Variants in PCNX2 observed in about 807,000 individuals in gnomAD.
PCNX2 encodes the protein pecanex-like protein 2.
A neutral mutation model predicts 223.8 loss-of-function variants in PCNX2; 168 were observed. The observed-to-expected ratio is 0.75, with a 90% CI of 0.66 to 0.85. PCNX2 has a LOEUF of 0.85. PCNX2 is among the 40% of genes least tolerant of loss of function. The probability of loss-of-function intolerance (pLI) is 0.00; values close to 1 mark genes in which losing one functional copy is unlikely to be tolerated. For missense variants in PCNX2, 2,507 were observed against 2,675.5 expected, an observed-to-expected ratio of 0.94 and a Z score of 1.39; for synonymous variants, 1,006 against 1,052.6, an observed-to-expected ratio of 0.96 and a Z score of 0.86.
At chr1:233,044,787 A>G (rs1572042283) in intron 25 of PCNX2, among the ~76,000 whole-genome samples, 1 of 150,408 alleles carries the variant, frequency 6.6e-6, no homozygotes, top group African/African-American at 2.5e-5. Flanking sequence ...TCCTGCCTCA[A>G]CCTCCCGAGT....
intron 21 of PCNX2, chr1:233,134,727 G>A (rs1676710354): frequency 2.1e-6 from 1 of 473,494 alleles, no homozygotes; most frequent in African/African-American, 2.0e-5. Context: ...AAGATCTAGG[G>A]AAATCTTACA....
chr1:233,283,704 C>A (rs1391162773), intron 1 of PCNX2, among the ~76,000 whole-genome samples: 1 of 152,056 alleles, frequency 6.6e-6, no homozygotes, highest in Admixed American at 6.6e-5. Context: ...GAAAAAAAAA[C>A]TCTTCTTTAC....
At chr1:233,064,155 G>A (rs1331948559) in intron 23 of PCNX2, among the ~76,000 whole-genome samples, 4 of 151,962 alleles carry the variant, frequency 2.6e-5, no homozygotes, top group Non-Finnish European at 5.9e-5. Context: ...GTATTGCGTA[G>A]TACTGGATTG....
At chr1:233,230,233 C>G (rs1324371305) in intron 9 of PCNX2, among the ~76,000 whole-genome samples, 1 of 151,948 alleles carries the variant, frequency 6.6e-6, no homozygotes, top group Non-Finnish European at 1.5e-5. Context: ...AAGTGAGTCA[C>G]GAGAGAGTGT....
At chr1:233,009,616 G>C (rs531797128) in intron 28 of PCNX2, among the ~76,000 whole-genome samples, 1 of 152,162 alleles carries the variant, frequency 6.6e-6, no homozygotes, top group South Asian at 2.1e-4. Flanking sequence ...TCATAAGCCC[G>C]GCCTGATGAC....
intron 25 of PCNX2, among the ~76,000 whole-genome samples, chr1:233,046,854 A>C (rs1671841517): frequency 6.6e-6 from 1 of 152,226 alleles, no homozygotes; most frequent in African/African-American, 2.4e-5. Flanking sequence ...CCACTGTGCA[A>C]ATGAGGCAGA....
chr1:233,259,846 G>A (rs894401617), intron 4 of PCNX2: 137 of 898,436 alleles, frequency 1.5e-4, no homozygotes, highest in Non-Finnish European at 1.2e-4. Flanking sequence ...CACTCCCACT[G>A]TGAAATTATT....
At chr1:233,093,912 T>C (rs1368869975) in intron 22 of PCNX2, among the ~76,000 whole-genome samples, 2 of 152,242 alleles carry the variant, frequency 1.3e-5, no homozygotes, top group East Asian at 3.8e-4. Context: ...GTAAATTTAA[T>C]GCTCACTGTG....
At chr1:233,016,307 C>T (rs553971312) in intron 27 of PCNX2, among the ~76,000 whole-genome samples, 60 of 152,330 alleles carry the variant, frequency 3.9e-4, no homozygotes, top group African/African-American at 1.4e-3. Context: ...CCCATGGACT[C>T]AGCTTTTCAA....
intron 15 of PCNX2, among the ~76,000 whole-genome samples, chr1:233,190,641 T>A (rs75254755): frequency 0.088 from 13,317 of 152,140 alleles, 1,398 homozygotes; most frequent in African/African-American, 0.26. Flanking sequence ...TGAGATGAAA[T>A]AAACCTTCCC....
chr1:233,259,107 G>T lies in PCNX2; in HGVS notation c.755C>A (p.Pro252His), dbSNP rs1041129481. The change falls in exon 5 of 34, where the codon CCC becomes CAC. Residue 252 changes from proline (P) to histidine (H), a missense_variant. By Grantham distance (77) the Pro-to-His change is moderately conservative (BLOSUM62 -2). Coordinates refer to ENST00000258229, the MANE Select transcript of PCNX2 (RefSeq NM_014801.4). ...RSEGGLVDKGPLKKLPHLSLS... is the reference protein window; with the variant it reads ...RSEGGLVDKGHLKKLPHLSLS... ...AGACAGGTGGGGCAACTTCTTCAAGGGTCCCTTATCCACTAAGCCACCCTC... is the reference window on the plus strand; with the variant it reads ...AGACAGGTGGGGCAACTTCTTCAAGTGTCCCTTATCCACTAAGCCACCCTC... The T allele has an allele frequency of 1.9e-6, 3 of 1,613,956 alleles. No individual in the cohort carries two copies. The highest frequency in any genetic ancestry group is 2.2e-5 in the East Asian group (1 of 44,868).
At chr1:233,267,265 C>T (rs1410270272) in intron 1 of PCNX2, among the ~76,000 whole-genome samples, 2 of 149,740 alleles carry the variant, frequency 1.3e-5, no homozygotes, top group Non-Finnish European at 3.0e-5. Flanking sequence ...TGCAATGAGC[C>T]AAGATCGCAC....
At chr1:233,094,483 T>C (rs1674047258) in intron 22 of PCNX2, among the ~76,000 whole-genome samples, 1 of 152,216 alleles carries the variant, frequency 6.6e-6, no homozygotes, top group Non-Finnish European at 1.5e-5. Context: ...TGAAACACTT[T>C]AGAAATATCA....
chr1:233,235,354 T>C (rs894488516), intron 9 of PCNX2, among the ~76,000 whole-genome samples: 1 of 152,124 alleles, frequency 6.6e-6, no homozygotes, highest in Non-Finnish European at 1.5e-5. Flanking sequence ...GGTACAGTCA[T>C]AGCTCACTGC....
At chr1:232,998,551 G>GC in intron 31 of PCNX2, 113 bp from the exon 32 acceptor site, 4 of 1,116,664 alleles carry the variant, frequency 3.6e-6, no homozygotes, top group Non-Finnish European at 3.8e-6. Context: ...CTCCAGGTGA[G>GC]TAGCCCACCT....
At chr1:233,311,428 C>A in the PCNX2 span, among the ~76,000 whole-genome samples, 1 of 152,148 alleles carries the variant, frequency 6.6e-6, no homozygotes, top group Non-Finnish European at 1.5e-5. Flanking sequence ...GGCTCCAGAG[C>A]GGGGAGAAAT....
At chr1:233,311,213 C>T in the PCNX2 span, among the ~76,000 whole-genome samples, 1 of 152,142 alleles carries the variant, frequency 6.6e-6, no homozygotes, top group African/African-American at 2.4e-5. Flanking sequence ...ATAACTAACC[C>T]AGAAGCTATT....
intron 19 of PCNX2, among the ~76,000 whole-genome samples, chr1:233,153,879 T>G (rs945292207): frequency 7.9e-5 from 12 of 152,214 alleles, no homozygotes; most frequent in Non-Finnish European, 1.3e-4. Flanking sequence ...AAATACATTA[T>G]AAAAAGCAAG....
At chr1:233,143,267 C>T (rs117464227) in intron 19 of PCNX2, among the ~76,000 whole-genome samples, 20 of 152,290 alleles carry the variant, frequency 1.3e-4, no homozygotes, top group Non-Finnish European at 2.4e-4. Flanking sequence ...CATAGCTGTA[C>T]GTTGAAATCA....
Sources: allele counts gnomAD v4.1 joint callset (sites outside exome capture counted in the v4.1 genomes callset), GRCh38; gene constraint gnomAD v4.1.1; transcripts MANE v1.5; gene names NCBI Gene and HGNC (gene_info 2026-07-23, HGNC 2026-07-21).